NRXN1: variants seen among roughly 807,000 people sequenced by gnomAD.
NRXN1 encodes the protein neurexin-1.
A neutral mutation model predicts 150.9 loss-of-function variants in NRXN1; 39 were observed. That is an observed-to-expected ratio of 0.26 (90% CI 0.20 to 0.34). The LOEUF (loss-of-function observed/expected upper bound fraction) is 0.34. Ranked by LOEUF, NRXN1 falls within the 10% of genes least tolerant of loss-of-function variation. NRXN1 has a pLI of 1.00. For synonymous variants in NRXN1, 924 were observed against 757.0 expected (o/e 1.22, Z -3.62); for missense variants, 1,815 against 1,949.9 (o/e 0.93, Z 1.30).
chr2:50,116,155 T>G (rs1441050489), intron 18 of NRXN1, among the ~76,000 whole-genome samples: 2 of 152,066 alleles, frequency 1.3e-5, no homozygotes, highest in African/African-American at 4.8e-5. Context: ...AGCCGGAGTT[T>G]TTTTAAAGAG....
At position 50,347,581 on chromosome 2, in the gene NRXN1, G is replaced by A. The variant is rs201192951; in HGVS notation, c.3365-110611C>T. On this transcript the variant is annotated intron_variant, in intron 17 of 22. Transcript: ENST00000401669. This position sits in a 1 kb window ranked among gnomAD's most constrained non-coding sequence, Gnocchi z 4.9. ...GCAGCGGCGCGCATCGCCTGCTCCC[G>A]AGGCAATCTCCGCGTCCGCCGCCTC... 6 of 1,015,912 alleles carry A rather than the reference G, an allele frequency of 5.9e-6. No individual in the cohort carries two copies. Among genetic ancestry groups the A allele is most frequent in the Non-Finnish European group, 7.1e-6 (6 of 848,344 alleles). 62.9% of individuals were successfully genotyped at this position (1,015,912 alleles called of 1,614,324 possible). A position where few individuals can be genotyped will look rare whatever the true frequency, so the allele number is the denominator to read the frequency against.
At chr2:50,937,736 T>C (rs764193286) in intron 2 of NRXN1, among the ~76,000 whole-genome samples, 31 of 146,846 alleles carry the variant, frequency 2.1e-4, no homozygotes, top group Non-Finnish European at 3.7e-4. Context: ...TGTAATCTCA[T>C]TCAATTATTA....
chr2:50,419,401 G>A (rs898510545), intron 17 of NRXN1, among the ~76,000 whole-genome samples: 17 of 152,000 alleles, frequency 1.1e-4, no homozygotes, highest in Admixed American at 5.2e-4. Flanking sequence ...GCTGGACCCT[G>A]ACCTGCAATC....
At chr2:50,699,799 G>A (rs954699653) in intron 5 of NRXN1, among the ~76,000 whole-genome samples, 2 of 152,056 alleles carry the variant, frequency 1.3e-5, no homozygotes, top group African/African-American at 2.4e-5. Flanking sequence ...ACCTACAGAA[G>A]TGTGAAATAA....
At chr2:51,004,512 G>A (rs746564975) in intron 2 of NRXN1, among the ~76,000 whole-genome samples, 18 of 151,776 alleles carry the variant, frequency 1.2e-4, no homozygotes, top group African/African-American at 3.6e-4. Flanking sequence ...TTTAAAGTAC[G>A]TGGTTTTATA....
intron 21 of NRXN1, among the ~76,000 whole-genome samples, chr2:50,020,393 G>T (rs1687388106): frequency 6.6e-6 from 1 of 152,118 alleles, no homozygotes; most frequent in Admixed American, 6.6e-5. Context: ...CTGAAAGTGA[G>T]CTTATGAAAC....
chr2:50,346,635 G>A lies in NRXN1; in HGVS notation c.3365-109665C>T. 2.5e-6 allele frequency: 4 copies of A among 1,575,438 alleles called. No individual in the cohort carries two copies. The highest frequency in any genetic ancestry group is 3.5e-6 in the Non-Finnish European group (4 of 1,146,294). Reference sequence around the variant, plus strand: ...CTTAGGAGCCCAGGAGCGAGTGCAGGGTAGAAAGAGGGGAGCGAGGGGATA... The same window carrying A: ...CTTAGGAGCCCAGGAGCGAGTGCAGAGTAGAAAGAGGGGAGCGAGGGGATA... On this transcript the variant is annotated intron_variant, in intron 17 of 22. Coordinates refer to ENST00000401669, the MANE Select transcript of NRXN1 (RefSeq NM_001330078.2). The surrounding 1 kb of genome is among the most constrained non-coding windows in gnomAD (Gnocchi z 5.0).
intron 5 of NRXN1, among the ~76,000 whole-genome samples, chr2:50,892,760 T>C (rs1420322818): frequency 6.6e-6 from 1 of 152,212 alleles, no homozygotes; most frequent in Non-Finnish European, 1.5e-5. Context: ...ATTCATAACA[T>C]ATGTATGTAA....
chr2:50,455,196 T>G (rs138688526), intron 17 of NRXN1, among the ~76,000 whole-genome samples: 2 of 152,154 alleles, frequency 1.3e-5, no homozygotes. Flanking sequence ...AAACTGCATG[T>G]TAACAAAACC....
chr2:50,909,800 T>C (rs938427301), intron 5 of NRXN1, among the ~76,000 whole-genome samples: 1 of 152,112 alleles, frequency 6.6e-6, no homozygotes, highest in East Asian at 1.9e-4. Flanking sequence ...GCAAAACAAG[T>C]TAAAAGCAAG....
At chr2:50,238,457 T>C (rs1194940469) in intron 17 of NRXN1, among the ~76,000 whole-genome samples, 5 of 152,016 alleles carry the variant, frequency 3.3e-5, no homozygotes, top group Admixed American at 2.6e-4. Context: ...TGATCATATA[T>C]ACATGATTAT....
intron 5 of NRXN1, among the ~76,000 whole-genome samples, chr2:50,626,544 G>A (rs1319181200): frequency 1.3e-5 from 2 of 151,916 alleles, no homozygotes; most frequent in African/African-American, 4.8e-5. Context: ...GTCAATAAAG[G>A]TTACTGGGAC....
intron 17 of NRXN1, among the ~76,000 whole-genome samples, chr2:50,395,008 T>G (rs1472998130): frequency 1.3e-5 from 2 of 152,080 alleles, no homozygotes; most frequent in Non-Finnish European, 2.9e-5. Flanking sequence ...AAGAAGCCTC[T>G]CATAATTTTT....
In NRXN1 at chr2:49,943,780, G is replaced by A; in HGVS notation, c.4140C>T (p.Asp1380=). The A allele has an allele frequency of 6.2e-7, 1 of 1,609,576 alleles. No individual in the cohort carries two copies. Among genetic ancestry groups the A allele is most frequent in the Non-Finnish European group, 8.5e-7 (1 of 1,177,332 alleles). ...TKEPISQTTD[D]ILVASAECPS... Reference sequence around the variant, plus strand: ...GACACTCTGCTGAGGCCACAAGGATGTCATCTGTGGTCTGCAAAAGAATCA... The same window carrying A: ...GACACTCTGCTGAGGCCACAAGGATATCATCTGTGGTCTGCAAAAGAATCA... The change falls in exon 22 of 23, where the codon GAC becomes GAT. Residue 1380 remains aspartate, a synonymous_variant. Coordinates refer to ENST00000401669, the MANE Select transcript of NRXN1 (RefSeq NM_001330078.2).
chr2:50,233,477 A>G (rs2065149556), intron 18 of NRXN1, among the ~76,000 whole-genome samples: 1 of 152,090 alleles, frequency 6.6e-6, no homozygotes, highest in South Asian at 2.1e-4. Flanking sequence ...TTAAAATTAT[A>G]TGCCAATCAG....
intron 18 of NRXN1, among the ~76,000 whole-genome samples, chr2:50,159,074 T>G (rs1278960476): frequency 6.6e-6 from 1 of 151,720 alleles, no homozygotes; most frequent in African/African-American, 2.4e-5. Context: ...TGAAAGTCTC[T>G]TTGTTGTTGT....
At chr2:50,163,226 T>C (rs2059473170) in intron 18 of NRXN1, among the ~76,000 whole-genome samples, 1 of 150,190 alleles carries the variant, frequency 6.7e-6, no homozygotes, top group Non-Finnish European at 1.5e-5. Flanking sequence ...ATTTTGAAAC[T>C]AACATGAATT....
At chr2:50,458,545 G>A (rs1004177257) in intron 17 of NRXN1, among the ~76,000 whole-genome samples, 5 of 151,510 alleles carry the variant, frequency 3.3e-5, no homozygotes, top group African/African-American at 1.2e-4. Flanking sequence ...AATACCACAT[G>A]TACCCCCTAA....
chr2:50,456,366 A>G (rs991701091), intron 17 of NRXN1, among the ~76,000 whole-genome samples: 2 of 152,084 alleles, frequency 1.3e-5, no homozygotes, highest in Non-Finnish European at 2.9e-5. Context: ...AAATCACACA[A>G]TCTATAATAC....
Sources: allele counts gnomAD v4.1 joint callset (sites outside exome capture counted in the v4.1 genomes callset), GRCh38; gene constraint gnomAD v4.1.1; non-coding constraint Gnocchi (gnomAD v3.1); transcripts MANE v1.5; gene names NCBI Gene and HGNC (gene_info 2026-07-23, HGNC 2026-07-21).